Variants in WNT5B observed in about 807,000 individuals in gnomAD.
WNT5B encodes Wnt family member 5B.
A neutral mutation model predicts 36.5 loss-of-function variants in WNT5B; 18 were observed. The observed-to-expected ratio is 0.49, with a 90% CI of 0.34 to 0.73. The LOEUF is 0.73. Among genes scored for constraint, WNT5B ranks in the 30% least tolerant of loss-of-function variants. The pLI is 0.01. For missense variants in WNT5B, 424 were observed against 508.4 expected (o/e 0.83, Z 1.60); for synonymous variants, 213 against 212.3 (o/e 1.00, Z -0.03).
upstream of WNT5B, among the ~76,000 whole-genome samples, chr12:1,624,483 C>T (rs978284623): frequency 1.3e-5 from 2 of 151,810 alleles, no homozygotes; most frequent in African/African-American, 4.8e-5. Context: ...GATTCCAAGC[C>T]AGGGTCAACC....
intron 4 of WNT5B, among the ~76,000 whole-genome samples, chr12:1,643,016 G>A (rs2094578378): frequency 6.6e-6 from 1 of 152,170 alleles, no homozygotes; most frequent in South Asian, 2.1e-4. Context: ...CTCCAGCAAG[G>A]ACTGAGTGAT....
intron 3 of WNT5B, among the ~76,000 whole-genome samples, chr12:1,637,870 C>T (rs2094565119): frequency 6.6e-6 from 1 of 151,904 alleles, no homozygotes; most frequent in African/African-American, 2.4e-5. Context: ...AATGCTGACA[C>T]AGAAACACAA....
chr12:1,622,882 G>A (rs564680340), intron 1 of WNT5B, among the ~76,000 whole-genome samples: 2 of 152,310 alleles, frequency 1.3e-5, no homozygotes, highest in East Asian at 3.9e-4. Context: ...TGATGCTGCT[G>A]GGGGCCTTCT....
chr12:1,622,107 CTTTTT>C (rs35497935), intron 1 of WNT5B, among the ~76,000 whole-genome samples: 1 of 99,054 alleles, frequency 1.0e-5, no homozygotes. Flanking sequence ...TCTGACACTT[CTTTTT>C]TTTTTTTTTT....
At position 1,618,310 on chromosome 12, in the gene WNT5B, G is replaced by A. The variant is rs1206411898; in HGVS notation, c.-58+1167G>A. 1.3e-5 allele frequency among the ~76,000 whole-genome samples: 2 copies of A among 152,076 alleles called. No individual in the cohort carries two copies. Among genetic ancestry groups the A allele is most frequent in the African/African-American group, 4.8e-5 (2 of 41,378 alleles). Reference sequence around the variant, plus strand: ...TAATTAGCGCATGGCATAGAGAGAGGTTATCCACCTGCCCTTGGTGGTGAT... The same window carrying A: ...TAATTAGCGCATGGCATAGAGAGAGATTATCCACCTGCCCTTGGTGGTGAT... On this transcript the variant is annotated intron_variant, in intron 1 of 4. Coordinates refer to the WNT5B transcript ENST00000310594. The surrounding 1 kb of genome is among the most constrained non-coding windows in gnomAD (Gnocchi z 4.1).
rs1369745210 is a variant in WNT5B, at chr12:1,646,702, G to C, written c.*450G>C. ...TCAACCTCGATGTCTTCAGGGTCTT[G>C]TCCAGAATGTAGATGGGTTCCGTAA... On this transcript the variant is annotated 3_prime_UTR_variant, in exon 5 of 5. Coordinates refer to ENST00000397196, the MANE Select transcript of WNT5B (RefSeq NM_032642.3). 6.5e-6 allele frequency: 1 copy of C among 153,086 alleles called. No individual in the cohort carries two copies. Among genetic ancestry groups the C allele is most frequent in the Non-Finnish European group, 1.5e-5 (1 of 68,696 alleles). 9.5% of individuals were successfully genotyped at this position (153,086 alleles called of 1,614,324 possible).
At chr12:1,643,247 A>G (rs1016701527) in intron 4 of WNT5B, among the ~76,000 whole-genome samples, 1 of 152,156 alleles carries the variant, frequency 6.6e-6, no homozygotes, top group African/African-American at 2.4e-5. Context: ...TTTCCAGATA[A>G]AAGCCTGGTG....
At chr12:1,640,684 A>G (rs558744189) in intron 4 of WNT5B, among the ~76,000 whole-genome samples, 55 of 152,326 alleles carry the variant, frequency 3.6e-4, no homozygotes, top group African/African-American at 1.3e-3. Context: ...CTGGGCCCCT[A>G]GGTGGCATGC....
chr12:1,631,090 C>G (rs922743224), intron 1 of WNT5B: 5 of 365,334 alleles, frequency 1.4e-5, no homozygotes, highest in African/African-American at 2.1e-5. Context: ...AGGTCCTGTG[C>G]AGGGTTCCCA....
chr12:1,624,743 A>G (rs1462044198), upstream of WNT5B, among the ~76,000 whole-genome samples: 1 of 152,208 alleles, frequency 6.6e-6, no homozygotes, highest in Non-Finnish European at 1.5e-5. Flanking sequence ...TCGCAGAGAA[A>G]GTAGAAAAGG....
At chr12:1,622,993 C>T (rs2094535900) in intron 1 of WNT5B, among the ~76,000 whole-genome samples, 1 of 151,948 alleles carries the variant, frequency 6.6e-6, no homozygotes, top group Non-Finnish European at 1.5e-5. Context: ...CAGAAGTCGG[C>T]AAGGCACAGC....
At chr12:1,628,350 C>T (rs547898639), upstream of WNT5B, among the ~76,000 whole-genome samples, 6 of 152,170 alleles carry the variant, frequency 3.9e-5, no homozygotes, top group Admixed American at 1.3e-4. Flanking sequence ...TACAGGTGAG[C>T]TTTCACCATG....
chr12:1,637,675 G>A lies in WNT5B; in HGVS notation c.329-2009G>A, dbSNP rs141832728. Among the ~76,000 whole-genome samples, 1,013 of 151,660 alleles carry A rather than the reference G, an allele frequency of 6.7e-3. 15 individuals carry two copies. Among genetic ancestry groups the A allele is most frequent in the African/African-American group, 0.023 (955 of 41,320 alleles). The stretch of plus-strand genomic sequence containing the variant: ...TGAGGCAGGAGAATTGTTTGAACTC[G>A]GGCAGCAGAGGTTGCAGTGAGCTGA... On this transcript the variant is annotated intron_variant, in intron 3 of 4. Transcript: ENST00000397196.
chr12:1,637,533 C>T (rs2154439689), intron 3 of WNT5B, among the ~76,000 whole-genome samples: 1 of 138,762 alleles, frequency 7.2e-6, no homozygotes, highest in South Asian at 2.3e-4. Flanking sequence ...GTCAGGAGTT[C>T]AAGACCAGCC....
intron 1 of WNT5B, among the ~76,000 whole-genome samples, chr12:1,624,067 G>A (rs1190752788): frequency 2.0e-5 from 3 of 152,132 alleles, no homozygotes; most frequent in Non-Finnish European, 4.4e-5. Context: ...ATTCGCAGCC[G>A]TAGTAACAGG....
In WNT5B at chr12:1,630,289, C is replaced by T; in HGVS notation, c.-58+918C>T. 1 of 956,340 alleles carries T rather than the reference C, an allele frequency of 1.0e-6. No individual in the cohort carries two copies. Among genetic ancestry groups the T allele is most frequent in the Non-Finnish European group, 1.2e-6 (1 of 803,318 alleles). 59.2% of individuals were successfully genotyped at this position (956,340 alleles called of 1,614,324 possible). The stretch of plus-strand genomic sequence containing the variant: ...ACGCCCAGACGGGGGCCCCGGAGGA[C>T]CGCGGGGGAGCCGCAGGGGCCGTGT... On this transcript the variant is annotated intron_variant, in intron 1 of 4. Transcript: ENST00000397196. This position sits in a 1 kb window ranked among gnomAD's most constrained non-coding sequence, Gnocchi z 5.3.
intron 4 of WNT5B, among the ~76,000 whole-genome samples, chr12:1,640,295 T>C (rs7134091): frequency 0.81 from 123,458 of 152,186 alleles, 50,275 homozygotes; most frequent in East Asian, 0.98. Flanking sequence ...AGCGCTCTTG[T>C]CTTGGCCACC....
chr12:1,642,776 G>C (rs1464225384), intron 4 of WNT5B, among the ~76,000 whole-genome samples: 1 of 152,122 alleles, frequency 6.6e-6, no homozygotes, highest in Non-Finnish European at 1.5e-5. Flanking sequence ...CTTGTTCCTG[G>C]CTTGCTCACC....
At position 1,646,468 on chromosome 12, in the gene WNT5B, G is replaced by A; in HGVS notation, c.*216G>A. The A allele has an allele frequency of 3.1e-6, 1 of 321,360 alleles. No homozygotes were observed. Among genetic ancestry groups the A allele is most frequent in the Non-Finnish European group, 5.4e-6 (1 of 184,750 alleles). The allele number at this position is 321,360 out of a possible 1,614,324, so 19.9% of individuals were successfully genotyped here. A position where few individuals can be genotyped will look rare whatever the true frequency, so the allele number is the denominator to read the frequency against. Reference sequence around the variant, plus strand: ...TCTCCTCTTGGTGGGTGGGAGACAGGGCTTTTTCTCTCCCTCTGGCGAGGA... The same window carrying A: ...TCTCCTCTTGGTGGGTGGGAGACAGAGCTTTTTCTCTCCCTCTGGCGAGGA... On this transcript the variant is annotated 3_prime_UTR_variant, in exon 5 of 5. Coordinates refer to ENST00000397196, the MANE Select transcript of WNT5B (RefSeq NM_032642.3).
Sources: gnomAD v4.1 joint callset for allele counts (sites outside exome capture counted in the v4.1 genomes callset) on GRCh38, gnomAD v4.1.1 for gene constraint, Gnocchi (gnomAD v3.1) non-coding constraint, MANE v1.5 for transcripts, NCBI Gene and HGNC (gene_info 2026-07-23, HGNC 2026-07-21) for gene names.